Variants in CRIM1 observed in about 807,000 individuals in gnomAD.
The protein encoded by CRIM1 is cysteine-rich motor neuron 1 protein.
CRIM1 carries 32 observed loss-of-function variants against 116.4 expected under a neutral mutation model. The observed-to-expected ratio is 0.27, with a 90% CI of 0.21 to 0.37. The LOEUF (loss-of-function observed/expected upper bound fraction) is 0.37. CRIM1 is among the 10% of genes least tolerant of loss of function. CRIM1 has a pLI of 1.00. For missense variants in CRIM1, 1,331 were observed against 1,354.8 expected, an observed-to-expected ratio of 0.98 and a Z score of 0.28; for synonymous variants, 590 against 509.2, an observed-to-expected ratio of 1.16 and a Z score of -2.13.
At chr2:36,498,080 C>G (rs1036242672) in intron 7 of CRIM1, among the ~76,000 whole-genome samples, 2 of 152,196 alleles carry the variant, frequency 1.3e-5, no homozygotes, top group African/African-American at 4.8e-5. Flanking sequence ...ATACTCAGCT[C>G]TTTCACAAAG....
intron 1 of CRIM1, among the ~76,000 whole-genome samples, chr2:36,391,813 T>A (rs76897523): frequency 5.5e-5 from 8 of 146,720 alleles, no homozygotes; most frequent in African/African-American, 7.5e-5. Context: ...AAAAAAAAAA[T>A]GGTACATAAA....
chr2:36,548,972 A>T lies in CRIM1; in HGVS notation c.*271A>T. On this transcript the variant is annotated 3_prime_UTR_variant, in exon 17 of 17. Coordinates refer to ENST00000280527, the MANE Select transcript of CRIM1 (RefSeq NM_016441.3). ...TTGCCTGTAAGATAGCTGTAGAGAT[A>T]TTTGGGGTGGGGACAGTGAGTTTGG... 3 of 194,578 alleles carry T rather than the reference A, an allele frequency of 1.5e-5. No homozygotes were observed. Among genetic ancestry groups the T allele is most frequent in the Admixed American group, 5.9e-5 (1 of 16,914 alleles). The allele number at this position is 194,578 out of a possible 1,614,324, so 12.1% of individuals were successfully genotyped here. A position where few individuals can be genotyped will look rare whatever the true frequency, so the allele number is the denominator to read the frequency against.
At chr2:36,450,499 A>G (rs922978508) in intron 4 of CRIM1, among the ~76,000 whole-genome samples, 2 of 152,196 alleles carry the variant, frequency 1.3e-5, no homozygotes, top group African/African-American at 4.8e-5. Context: ...TGATTGGACC[A>G]TTTCTTTCTG....
At chr2:36,463,470 A>G (rs1242310973) in intron 4 of CRIM1, among the ~76,000 whole-genome samples, 1 of 151,954 alleles carries the variant, frequency 6.6e-6, no homozygotes, top group East Asian at 1.9e-4. Context: ...TCCTGCCAGG[A>G]TGTCTTTTTT....
intron 7 of CRIM1, among the ~76,000 whole-genome samples, chr2:36,483,249 T>C (rs1320829223): frequency 6.6e-6 from 1 of 152,198 alleles, no homozygotes; most frequent in African/African-American, 2.4e-5. Flanking sequence ...TATAAAGTTT[T>C]CAGTTGAATG....
intron 8 of CRIM1, among the ~76,000 whole-genome samples, chr2:36,509,394 G>T (rs1261870120): frequency 6.6e-6 from 1 of 152,126 alleles, no homozygotes; most frequent in Non-Finnish European, 1.5e-5. Flanking sequence ...GGGCGTGGTG[G>T]TGCATGCCTG....
chr2:36,380,284 C>T (rs1670643853), intron 1 of CRIM1, among the ~76,000 whole-genome samples: 1 of 152,218 alleles, frequency 6.6e-6, no homozygotes. Context: ...TCTTTGCCGG[C>T]TTCCCTTTTT....
intron 8 of CRIM1, among the ~76,000 whole-genome samples, chr2:36,500,832 T>G (rs1184755728): frequency 6.6e-6 from 1 of 152,206 alleles, no homozygotes; most frequent in African/African-American, 2.4e-5. Flanking sequence ...CAAGAAATCT[T>G]GAAAGACACT....
chr2:36,473,414 G>C (rs1395247216), intron 5 of CRIM1, among the ~76,000 whole-genome samples: 1 of 152,078 alleles, frequency 6.6e-6, no homozygotes, highest in African/African-American at 2.4e-5. Flanking sequence ...CAATTCTGTT[G>C]TTTTCAGTGT....
chr2:36,434,999 C>T (rs892842609), intron 2 of CRIM1, among the ~76,000 whole-genome samples: 3 of 152,134 alleles, frequency 2.0e-5, no homozygotes, highest in African/African-American at 4.8e-5. Context: ...TGCTGCAAAG[C>T]CTTTATCATA....
chr2:36,531,975 C>T (rs989102964), intron 13 of CRIM1: 1 of 470,776 alleles, frequency 2.1e-6, no homozygotes, highest in South Asian at 1.5e-5. Flanking sequence ...ACGTAGTTGA[C>T]GGTGATGGCA....
Position 36,520,159 on chromosome 2 carries a change from C to T in CRIM1, c.2207-1933C>T, listed in dbSNP as rs1437802461. Among the ~76,000 whole-genome samples, 4 of 152,186 alleles carry T rather than the reference C, an allele frequency of 2.6e-5. No homozygotes were observed. In the East Asian group the frequency reaches 7.7e-4, roughly 29 times the overall value. ...CTGCAGACTCTACCTCGGCTCCAGCCCTCACACCGTCACTGCCAGCGTATC... is the reference window on the plus strand; with the variant it reads ...CTGCAGACTCTACCTCGGCTCCAGCTCTCACACCGTCACTGCCAGCGTATC... On this transcript the variant is annotated intron_variant, in intron 12 of 16. Coordinates refer to ENST00000280527, the MANE Select transcript of CRIM1 (RefSeq NM_016441.3).
At chr2:36,434,772 T>G (rs939901427) in intron 2 of CRIM1, among the ~76,000 whole-genome samples, 7 of 152,376 alleles carry the variant, frequency 4.6e-5, no homozygotes, top group African/African-American at 1.7e-4. Context: ...TTTAGATTTC[T>G]TATTAATAAT....
intron 2 of CRIM1, among the ~76,000 whole-genome samples, chr2:36,399,931 C>T (rs958693933): frequency 6.6e-6 from 1 of 152,192 alleles, no homozygotes; most frequent in Non-Finnish European, 1.5e-5. Flanking sequence ...GGGTCACCTA[C>T]TGGTGCTGAC....
chr2:36,550,210 T>C lies in CRIM1; in HGVS notation c.*1509T>C, dbSNP rs1023954195. On this transcript the variant is annotated 3_prime_UTR_variant, in exon 17 of 17. Coordinates refer to ENST00000280527, the MANE Select transcript of CRIM1 (RefSeq NM_016441.3). ...CCAGAGACATTGATGGCAGTTCTTA[T>C]CTGCATCACTAATCAGCTCCTGGAT... The C allele has an allele frequency of 1.3e-5, 2 of 152,088 alleles. No homozygotes were observed. Among genetic ancestry groups the C allele is most frequent in the African/African-American group, 2.4e-5 (1 of 41,266 alleles). The allele number at this position is 152,088 out of a possible 1,614,324, so 9.4% of individuals were successfully genotyped here. A position where few individuals can be genotyped will look rare whatever the true frequency, so the allele number is the denominator to read the frequency against.
intron 8 of CRIM1, among the ~76,000 whole-genome samples, chr2:36,506,583 CAG>C (rs1333967457): frequency 6.6e-6 from 1 of 152,062 alleles, no homozygotes; most frequent in Non-Finnish European, 1.5e-5. Context: ...CCAGAATGAA[CAG>C]AGTTTTACTA....
At chr2:36,530,109 C>T (rs750612707) in intron 13 of CRIM1, among the ~76,000 whole-genome samples, 1 of 152,144 alleles carries the variant, frequency 6.6e-6, no homozygotes, top group Non-Finnish European at 1.5e-5. Context: ...GCATTTGTTG[C>T]ATTTTTAACC....
chr2:36,487,649 A>T (rs1450213686), intron 7 of CRIM1, among the ~76,000 whole-genome samples: 2 of 152,102 alleles, frequency 1.3e-5, no homozygotes, highest in Admixed American at 6.5e-5. Flanking sequence ...TTTGTCTTCT[A>T]TGACATAGTA....
Position 36,548,647 on chromosome 2 carries a change from C to T in CRIM1, c.3057C>T (p.Tyr1019=), listed in dbSNP as rs778073713. ...AEPDARFSGF[Y]SMQKQNHLQA... ...CAGATGCAAGATTCAGTGGCTTCTA[C>T]AGCATGCAAAAACAGAACCATCTAC... The change falls in exon 17 of 17, where the codon TAC becomes TAT. Residue 1019 remains tyrosine, a synonymous_variant. Coordinates refer to ENST00000280527, the MANE Select transcript of CRIM1 (RefSeq NM_016441.3). 5 of 1,611,614 alleles carry T rather than the reference C, an allele frequency of 3.1e-6. No homozygotes were observed. Among genetic ancestry groups the T allele is most frequent in the Non-Finnish European group, 4.2e-6 (5 of 1,179,150 alleles).
Sources: gnomAD v4.1 joint callset for allele counts (sites outside exome capture counted in the v4.1 genomes callset) on GRCh38, gnomAD v4.1.1 for gene constraint, MANE v1.5 for transcripts, NCBI Gene and HGNC (gene_info 2026-07-23, HGNC 2026-07-21) for gene names.